Variants in MRE11 observed in about 807,000 individuals in gnomAD.
MRE11 encodes double-strand break repair protein MRE11.
A neutral mutation model predicts 91.7 loss-of-function variants in MRE11; 62 were observed. That is an observed-to-expected ratio of 0.68 (90% CI 0.55 to 0.84). The LOEUF is 0.84. MRE11 is among the 40% of genes least tolerant of loss of function. MRE11 has a pLI of 0.00. For synonymous variants in MRE11, 273 were observed against 271.4 expected (o/e 1.01, Z -0.06); for missense variants, 796 against 852.9 (o/e 0.93, Z 0.83).
intron 7 of MRE11, chr11:94,473,178 A>T (rs548052293): frequency 6.6e-5 from 10 of 152,282 alleles, no homozygotes; most frequent in African/African-American, 2.4e-4. Flanking sequence ...AGCAGAATAA[A>T]TGCAGGGAAG....
chr11:94,453,813 G>T (rs957682347), intron 14 of MRE11, among the ~76,000 whole-genome samples: 1 of 152,164 alleles, frequency 6.6e-6, no homozygotes, highest in African/African-American at 2.4e-5. Flanking sequence ...TTTTGAAAGA[G>T]GGTATCAACC....
chr11:94,496,953 TA>T (rs750258320), upstream of MRE11: 1,464 of 1,308,624 alleles, frequency 1.1e-3, no homozygotes, highest in South Asian at 1.4e-3. Context: ...AAAAATCGGG[TA>T]AAAAAAAAAA....
In MRE11 at chr11:94,445,805, C is replaced by T. The variant is rs764366297; in HGVS notation, c.1867+5G>A. On this transcript the variant is annotated splice_donor_5th_base_variant and intron_variant, in intron 16 of 19. Transcript: ENST00000323929. ...TATAAATAATCACTTGCAGTCTATACTCACCATCTATAATAGACATATTTC... is the reference window on the plus strand; with the variant it reads ...TATAAATAATCACTTGCAGTCTATATTCACCATCTATAATAGACATATTTC... The T allele has an allele frequency of 6.3e-7, 1 of 1,594,128 alleles. No individual in the cohort carries two copies. The highest frequency in any genetic ancestry group is 8.6e-7 in the Non-Finnish European group (1 of 1,161,810).
chr11:94,430,095 C>T (rs1356305042), intron 18 of MRE11, 109 bp from the exon 19 acceptor site: 9 of 1,012,912 alleles, frequency 8.9e-6, no homozygotes, highest in Non-Finnish European at 1.4e-5. Context: ...ATAAATAACA[C>T]ACAATTCCCT....
intron 16 of MRE11, among the ~76,000 whole-genome samples, chr11:94,437,480 C>T (rs754301280): frequency 6.6e-6 from 1 of 152,178 alleles, no homozygotes; most frequent in Non-Finnish European, 1.5e-5. Flanking sequence ...TTTATAAATA[C>T]ACACACTAAA....
the MRE11 span, among the ~76,000 whole-genome samples, chr11:94,506,998 T>C: frequency 1.3e-5 from 2 of 152,194 alleles, no homozygotes; most frequent in Non-Finnish European, 2.9e-5. Context: ...TTCTTAATTT[T>C]TGTATAATTT....
Position 94,485,242 on chromosome 11 carries a change from A to C in MRE11, c.314+682T>G, listed in dbSNP as rs974217558. Reference sequence around the variant, plus strand: ...GTACTCCAGCCTGGGCAACAGAGCAAGACTCCATCAAAAAAAAAAAGAAAA... The same window carrying C: ...GTACTCCAGCCTGGGCAACAGAGCACGACTCCATCAAAAAAAAAAAGAAAA... On this transcript the variant is annotated intron_variant, in intron 4 of 19. Transcript: ENST00000323929. 2.0e-5 allele frequency among the ~76,000 whole-genome samples: 3 copies of C among 152,000 alleles called. No homozygotes were observed. In the East Asian group the frequency reaches 5.8e-4, roughly 29 times the overall value.
chr11:94,416,488 GA>G lies in MRE11; in HGVS notation c.*3636del, dbSNP rs1945033364. On this transcript the variant is annotated 3_prime_UTR_variant, in exon 20 of 20. Coordinates refer to ENST00000323929, the MANE Select transcript of MRE11 (RefSeq NM_005591.4). Reference sequence around the variant, plus strand: ...CAAGAATATGGAAACTCATTGGACTGAAAAACCCAAATCTTCATTATACCAA... The same window carrying G: ...CAAGAATATGGAAACTCATTGGACTGAAAACCCAAATCTTCATTATACCAA... The G allele has an allele frequency of 6.6e-6, 1 of 151,986 alleles. No individual in the cohort carries two copies. The highest frequency in any genetic ancestry group is 1.5e-5 in the Non-Finnish European group (1 of 67,994). 9.4% of individuals were successfully genotyped at this position (151,986 alleles called of 1,614,324 possible).
chr11:94,484,803 C>A (rs1042011093), intron 4 of MRE11, among the ~76,000 whole-genome samples: 5 of 152,154 alleles, frequency 3.3e-5, no homozygotes, highest in African/African-American at 1.2e-4. Flanking sequence ...AAATACCTGA[C>A]CTCTTTATAA....
At chr11:94,491,413 G>A (rs61893736) in intron 2 of MRE11, among the ~76,000 whole-genome samples, 215 of 152,270 alleles carry the variant, frequency 1.4e-3, no homozygotes, top group Non-Finnish European at 2.4e-3. Flanking sequence ...TCAGGGCCTT[G>A]AAGACACTTG....
Position 94,429,897 on chromosome 11 carries a change from T to C in MRE11, c.2070+14A>G, listed in dbSNP as rs369127675. On this transcript the variant is annotated intron_variant, in intron 19 of 19. Coordinates refer to ENST00000323929, the MANE Select transcript of MRE11 (RefSeq NM_005591.4). ...TTAAAAATTAATTAAAATTTAACAA[T>C]ATTACTTATTTACCTCACTTGATTC... 1.3e-6 allele frequency: 2 copies of C among 1,597,526 alleles called. No individual in the cohort carries two copies. Among genetic ancestry groups the C allele is most frequent in the Non-Finnish European group, 1.7e-6 (2 of 1,168,884 alleles).
Position 94,435,852 on chromosome 11 carries a change from G to A in MRE11, c.1974C>T (p.Thr658=), listed in dbSNP as rs772019392. 1.9e-6 allele frequency: 3 copies of A among 1,613,568 alleles called. No individual in the cohort carries two copies. Among genetic ancestry groups the A allele is most frequent in the Non-Finnish European group, 2.5e-6 (3 of 1,179,746 alleles). Residue 658 remains threonine, a synonymous_variant, in exon 18 of 20, where the codon ACC becomes ACT. Coordinates refer to ENST00000323929, the MANE Select transcript of MRE11 (RefSeq NM_005591.4). ...ESDVEEDIFP[T]TSKTDQRWSS... is the part of the protein sequence containing the mutation. ...CCTACCTTTGATCTGTCTTTGAAGT[G>A]GTAGGAAAAATGTCTTCTTCCACAT...
At chr11:94,502,597 A>G in the MRE11 span, among the ~76,000 whole-genome samples, 1 of 152,210 alleles carries the variant, frequency 6.6e-6, no homozygotes, top group Non-Finnish European at 1.5e-5. Flanking sequence ...CTACTTTTAA[A>G]TATGCTTGCC....
At chr11:94,498,126 A>C, upstream of MRE11, 2 of 1,614,050 alleles carry the variant, frequency 1.2e-6, no homozygotes, top group Non-Finnish European at 1.7e-6. Context: ...AACACTAGGG[A>C]TGAAGATGAG....
At position 94,443,918 on chromosome 11, in the gene MRE11, ATT is replaced by A. The variant is rs71036324; in HGVS notation, c.1867+1890_1867+1891del. On this transcript the variant is annotated intron_variant, in intron 16 of 19. Transcript: ENST00000323929. ...CCTAAATCCTAAGTTCCTTCAACCAATTTTTTTTTTTTTTTTTTTTTGGAGAC... is the reference window on the plus strand; with the variant it reads ...CCTAAATCCTAAGTTCCTTCAACCAATTTTTTTTTTTTTTTTTTTGGAGAC... Among the ~76,000 whole-genome samples, 738 of 135,116 alleles carry A rather than the reference ATT, an allele frequency of 5.5e-3. 13 individuals are homozygous for A. Among genetic ancestry groups the A allele is most frequent in the African/African-American group, 0.013 (467 of 36,132 alleles). 88.6% of individuals were successfully genotyped at this position (135,116 alleles called of 152,430 possible).
intron 16 of MRE11, among the ~76,000 whole-genome samples, chr11:94,437,850 C>A (rs1298854224): frequency 1.3e-5 from 2 of 152,130 alleles, no homozygotes; most frequent in African/African-American, 4.8e-5. Context: ...TAAGGCCAGG[C>A]GCAGTGGCTC....
the MRE11 span, among the ~76,000 whole-genome samples, chr11:94,511,833 A>G: frequency 6.6e-6 from 1 of 152,240 alleles, no homozygotes; most frequent in African/African-American, 2.4e-5. Context: ...TCCAAATAAA[A>G]CCCTGAATTT....
In MRE11 at chr11:94,447,373, A is replaced by G. The variant is rs1376310486; in HGVS notation, c.1629T>C (p.Asp543=). 9.9e-6 allele frequency: 16 copies of G among 1,614,154 alleles called. No individual in the cohort carries two copies. Among genetic ancestry groups the G allele is most frequent in the Non-Finnish European group, 1.3e-5 (15 of 1,180,014 alleles). ...SEESASAFSA[D]DLMSIDLAEQ... is the part of the protein sequence containing the mutation. The stretch of plus-strand genomic sequence containing the variant: ...CTGCTAAATCTATACTCATAAGGTC[A>G]TCAGCACTAAAGGCAGAAGCAGACT... The change falls in exon 15 of 20, where the codon GAT becomes GAC. Residue 543 remains aspartate (D), a synonymous_variant. Transcript: ENST00000323929.
Position 94,417,373 on chromosome 11 carries a change from A to G in MRE11, c.*2752T>C, listed in dbSNP as rs1945055068. The G allele has an allele frequency of 4.3e-6, 1 of 230,530 alleles. No individual in the cohort carries two copies. The highest frequency in any genetic ancestry group is 2.2e-5 in the African/African-American group (1 of 45,202). 14.3% of individuals were successfully genotyped at this position (230,530 alleles called of 1,614,324 possible). On this transcript the variant is annotated 3_prime_UTR_variant, in exon 20 of 20. Coordinates refer to ENST00000323929, the MANE Select transcript of MRE11 (RefSeq NM_005591.4). ...TTTCTTTATAAAACTTTATAGGCAA[A>G]TTTATCAAGCTGGTAAATTCCATAA...
Sources: gnomAD v4.1 joint callset for allele counts (sites outside exome capture counted in the v4.1 genomes callset) on GRCh38, gnomAD v4.1.1 for gene constraint, MANE v1.5 for transcripts, NCBI Gene and HGNC (gene_info 2026-07-23, HGNC 2026-07-21) for gene names.